The following METAP1D variants were observed in gnomAD, a reference collection of about 807,000 sequenced individuals.
METAP1D encodes the protein methionyl aminopeptidase type 1D, mitochondrial.
A neutral mutation model predicts 40.5 loss-of-function variants in METAP1D; 31 were observed. The ratio of observed to expected loss-of-function variants is 0.77; its 90% CI spans 0.58 to 1.03. The LOEUF (loss-of-function observed/expected upper bound fraction) is 1.03, where lower values mean the gene tolerates loss of function less well. METAP1D is among the 50% of genes least tolerant of loss of function. METAP1D has a pLI of 0.00. For synonymous variants in METAP1D, 151 were observed against 146.4 expected (o/e 1.03, Z -0.22); for missense variants, 411 against 420.7 (o/e 0.98, Z 0.20).
At chr2:172,042,443 GTACA>G in intron 1 of METAP1D, among the ~76,000 whole-genome samples, 2 of 27,698 alleles carry the variant, frequency 7.2e-5, no homozygotes, top group Admixed American at 3.7e-4. Flanking sequence ...ATATGTATGT[GTACA>G]TGCGTACATA....
intron 1 of METAP1D, among the ~76,000 whole-genome samples, chr2:172,039,800 G>GGCACCTGAGTCTC (rs1689473932): frequency 6.6e-6 from 1 of 151,436 alleles, no homozygotes; most frequent in Admixed American, 6.6e-5. Flanking sequence ...CTCCTGAGTA[G>GGCACCTGAGTCTC]CTGGGATTAC....
At chr2:172,077,924 T>C in intron 7 of METAP1D, 30 bp downstream of exon 7, 1 of 1,274,008 alleles carries the variant, frequency 7.8e-7, no homozygotes, top group Non-Finnish European at 1.1e-6. Flanking sequence ...GGCTGTTTCT[T>C]GATCAGAGAT....
chr2:172,055,691 T>C (rs1421789471), intron 1 of METAP1D, among the ~76,000 whole-genome samples: 2 of 152,238 alleles, frequency 1.3e-5, no homozygotes, highest in Non-Finnish European at 2.9e-5. Flanking sequence ...CACCTTATTA[T>C]CCTGTTGCCT....
At chr2:172,050,434 GT>G (rs147904842) in intron 1 of METAP1D, among the ~76,000 whole-genome samples, 1 of 151,048 alleles carries the variant, frequency 6.6e-6, no homozygotes, top group Non-Finnish European at 1.5e-5. Context: ...TACTATATCA[GT>G]TTTTTTTTAA....
chr2:172,074,385 C>T (rs1292556545), intron 6 of METAP1D, among the ~76,000 whole-genome samples: 1 of 152,090 alleles, frequency 6.6e-6, no homozygotes, highest in African/African-American at 2.4e-5. Flanking sequence ...CAATAAGTGG[C>T]TCAGGCAAAA....
rs375122171 is a variant in METAP1D at position 172,061,597 on chromosome 2, A to C, written c.140A>C (p.Asp47Ala). ...RRNFFFRRQR[D>A]ISHSIVLPAA... The stretch of plus-strand genomic sequence containing the variant: ...AATTTCTTTTTTCGGAGACAAAGAG[A>C]TATTTCACACAGTATAGTTTTGCCG... Residue 47 changes from aspartate (D) to alanine (A), a missense_variant, in exon 2 of 10, where the codon GAT (aspartate) becomes GCT (alanine). Asp to Ala is a moderately radical substitution (Grantham distance 126). Transcript: ENST00000315796. 2.5e-5 allele frequency: 41 copies of C among 1,613,866 alleles called. No homozygotes were observed. The highest frequency in any genetic ancestry group is 3.1e-5 in the Non-Finnish European group (36 of 1,179,916).
At chr2:172,077,453 C>T (rs1007539824) in intron 6 of METAP1D, among the ~76,000 whole-genome samples, 7 of 152,184 alleles carry the variant, frequency 4.6e-5, no homozygotes, top group African/African-American at 1.7e-4. Context: ...GCATTATATG[C>T]ACATATATCC....
At chr2:172,070,267 A>G (rs986028706) in intron 5 of METAP1D, among the ~76,000 whole-genome samples, 2 of 152,190 alleles carry the variant, frequency 1.3e-5, no homozygotes, top group Non-Finnish European at 2.9e-5. Context: ...ATATCCATAT[A>G]TAGTGCTTTC....
intron 1 of METAP1D, among the ~76,000 whole-genome samples, chr2:172,022,286 T>C (rs1689026964): frequency 6.6e-6 from 1 of 152,184 alleles, no homozygotes; most frequent in African/African-American, 2.4e-5. Context: ...ATTTGCTCTG[T>C]GGTTTTCTTG....
intron 1 of METAP1D, among the ~76,000 whole-genome samples, chr2:172,026,889 A>G (rs1165699773): frequency 6.6e-6 from 1 of 152,132 alleles, no homozygotes; most frequent in Non-Finnish European, 1.5e-5. Flanking sequence ...TATTATCTAT[A>G]TTTACTTATT....
Position 172,080,453 on chromosome 2 carries a change from T to C in METAP1D, c.*47T>C, listed in dbSNP as rs1037706330. 5 of 1,588,734 alleles carry C rather than the reference T, an allele frequency of 3.1e-6. No homozygotes were observed. The highest frequency in any genetic ancestry group is 3.5e-6 in the Non-Finnish European group (4 of 1,157,988). ...TGACCTGGTGCCTTTTTAAATAAAT[T>C]GCTGAAATTTGGCTGGAGAACTTTT... On this transcript the variant is annotated 3_prime_UTR_variant, in exon 10 of 10. Coordinates refer to ENST00000315796, the MANE Select transcript of METAP1D (RefSeq NM_199227.3).
In METAP1D at chr2:172,042,234, CATATGTATGTGT is replaced by C. The variant is rs1689560512; in HGVS notation, c.41-19262_41-19251del. 3.8e-5 allele frequency among the ~76,000 whole-genome samples: 2 copies of C among 52,098 alleles called. 1 individual carries two copies. The highest frequency in any genetic ancestry group is 1.1e-4 in the Non-Finnish European group (2 of 18,100). The allele number at this position is 52,098 out of a possible 152,430, so 34.2% of individuals were successfully genotyped here. On this transcript the variant is annotated intron_variant, in intron 1 of 9. Coordinates refer to ENST00000315796, the MANE Select transcript of METAP1D (RefSeq NM_199227.3). ...GTATGTGTACATGTGTACACATATACATATGTATGTGTACATGTGTACACATATACATATATA... is the reference window on the plus strand; with the variant it reads ...GTATGTGTACATGTGTACACATATACACATGTGTACACATATACATATATA...
intron 1 of METAP1D, among the ~76,000 whole-genome samples, chr2:172,053,722 A>G (rs2105462428): frequency 6.6e-6 from 1 of 152,330 alleles, no homozygotes; most frequent in Non-Finnish European, 1.5e-5. Flanking sequence ...TTTAAATCAC[A>G]TATTATCTCT....
At chr2:172,017,224 A>G (rs959311470) in intron 1 of METAP1D, among the ~76,000 whole-genome samples, 2 of 138,056 alleles carry the variant, frequency 1.4e-5, no homozygotes, top group Non-Finnish European at 3.0e-5. Flanking sequence ...GTCTTGTTCC[A>G]TGAAAGGTTT....
rs865927417 is a variant in METAP1D, at chr2:172,036,987, C to T, written c.41-24511C>T. On this transcript the variant is annotated intron_variant, in intron 1 of 9. Coordinates refer to ENST00000315796, the MANE Select transcript of METAP1D (RefSeq NM_199227.3). The stretch of plus-strand genomic sequence containing the variant: ...AAAGTCTAGGTTTTATGGCTGCGGG[C>T]GGTGGCTCACGCCTGTAATTCCAGC... Among the ~76,000 whole-genome samples the T allele has an allele frequency of 5.3e-5, 8 of 152,252 alleles. No individual in the cohort carries two copies. The South Asian group carries it at 8.3e-4, about 16-fold the overall frequency.
Position 172,011,895 on chromosome 2 carries a change from G to GC in METAP1D, c.40+11887dup, listed in dbSNP as rs771618798. ...ATATTTTGTTTTGGTTTTGAAATAG[G>GC]CTATGTTTAGATGCAGAGGGAAGCA... On this transcript the variant is annotated intron_variant, in intron 1 of 9. Coordinates refer to ENST00000315796, the MANE Select transcript of METAP1D (RefSeq NM_199227.3). Among the ~76,000 whole-genome samples the GC allele has an allele frequency of 3.9e-4, 60 of 152,246 alleles. No individual in the cohort carries two copies. In the Middle Eastern group the frequency reaches 0.014, roughly 35 times the overall value.
At chr2:172,018,516 C>T (rs1688932103) in intron 1 of METAP1D, among the ~76,000 whole-genome samples, 1 of 152,170 alleles carries the variant, frequency 6.6e-6, no homozygotes, top group Non-Finnish European at 1.5e-5. Context: ...CTGCTAACCT[C>T]CAGATCTCAT....
intron 1 of METAP1D, among the ~76,000 whole-genome samples, chr2:172,054,702 T>C (rs566684214): frequency 6.6e-6 from 1 of 152,206 alleles, no homozygotes; most frequent in South Asian, 2.1e-4. Flanking sequence ...CAAATACAAA[T>C]TTTAAATATG....
In METAP1D at chr2:172,080,572, A is replaced by T. The variant is rs925607902; in HGVS notation, c.*166A>T. The T allele has an allele frequency of 2.9e-6, 2 of 694,280 alleles. No individual in the cohort carries two copies. The highest frequency in any genetic ancestry group is 3.6e-5 in the African/African-American group (2 of 55,900). The allele number at this position is 694,280 out of a possible 1,614,324, so 43.0% of individuals were successfully genotyped here. A position where few individuals can be genotyped will look rare whatever the true frequency, so the allele number is the denominator to read the frequency against. On this transcript the variant is annotated 3_prime_UTR_variant, in exon 10 of 10. Coordinates refer to ENST00000315796, the MANE Select transcript of METAP1D (RefSeq NM_199227.3). ...GGGGGAGACTGAAGAGCAACTGGGA[A>T]CTCGGATCTGAAGCCCTGCTGGGGT...
Sources: allele counts gnomAD v4.1 joint callset (sites outside exome capture counted in the v4.1 genomes callset), GRCh38; gene constraint gnomAD v4.1.1; transcripts MANE v1.5; gene names NCBI Gene and HGNC (gene_info 2026-07-23, HGNC 2026-07-21).